The following UBR7 variants were observed in gnomAD, a reference collection of about 807,000 sequenced individuals.
UBR7 encodes the protein ubiquitin protein ligase E3 component n-recognin 7, also known as putative E3 ubiquitin-protein ligase UBR7.
UBR7 carries 22 observed loss-of-function variants against 57.0 expected under a neutral mutation model. The ratio of observed to expected loss-of-function variants is 0.39; its 90% CI spans 0.28 to 0.55. The LOEUF (loss-of-function observed/expected upper bound fraction) is 0.55. Among genes scored for constraint, UBR7 ranks in the 20% least tolerant of loss-of-function variants. The probability of loss-of-function intolerance (pLI) is 0.69; values close to 1 mark genes in which losing one functional copy is unlikely to be tolerated. For missense variants in UBR7, 395 were observed against 513.2 expected (o/e 0.77, Z 2.23); for synonymous variants, 167 against 179.8 (o/e 0.93, Z 0.57).
intron 1 of UBR7, among the ~76,000 whole-genome samples, chr14:93,209,458 C>T (rs1894434555): frequency 6.6e-6 from 1 of 152,166 alleles, no homozygotes; most frequent in African/African-American, 2.4e-5. Flanking sequence ...GAAAGAAGTG[C>T]TGGCTTGTGT....
intron 6 of UBR7, among the ~76,000 whole-genome samples, chr14:93,217,655 A>C (rs1355469739): frequency 4.6e-5 from 7 of 152,230 alleles, no homozygotes; most frequent in African/African-American, 1.4e-4. Context: ...AGTGATTGAT[A>C]TTTTCAAATA....
intron 10 of UBR7, chr14:93,224,127 C>G: frequency 1.3e-6 from 1 of 745,584 alleles, no homozygotes; most frequent in South Asian, 1.5e-5. Flanking sequence ...CATAGTGTGC[C>G]CGAGGCCTTC....
intron 9 of UBR7, among the ~76,000 whole-genome samples, chr14:93,221,966 T>G (rs1894717966): frequency 6.6e-6 from 1 of 152,022 alleles, no homozygotes; most frequent in South Asian, 2.1e-4. Flanking sequence ...ATAAAATAAA[T>G]TAAATTAAAT....
At position 93,228,794 on chromosome 14, in the gene UBR7, C is replaced by G. The variant is rs991019499; in HGVS notation, c.*1759C>G. On this transcript the variant is annotated 3_prime_UTR_variant, in exon 11 of 11. Coordinates refer to ENST00000013070, the MANE Select transcript of UBR7 (RefSeq NM_175748.4). ...ATGTCCGGAAAACTTTTAATCTTCTCAAATATCTGATGTAACTACCAGAAA... is the reference window on the plus strand; with the variant it reads ...ATGTCCGGAAAACTTTTAATCTTCTGAAATATCTGATGTAACTACCAGAAA... The G allele has an allele frequency of 2.2e-6, 1 of 454,002 alleles. No individual in the cohort carries two copies. Among genetic ancestry groups the G allele is most frequent in the African/African-American group, 2.0e-5 (1 of 50,004 alleles). The allele number at this position is 454,002 out of a possible 1,614,324, so 28.1% of individuals were successfully genotyped here.
At chr14:93,225,309 C>G (rs1894825169) in intron 10 of UBR7, among the ~76,000 whole-genome samples, 1 of 149,684 alleles carries the variant, frequency 6.7e-6, no homozygotes, top group South Asian at 2.1e-4. Flanking sequence ...TTGTATCTAA[C>G]AAAACAAAAA....
In UBR7 at chr14:93,228,472, C is replaced by T. The variant is rs1050361019; in HGVS notation, c.*1437C>T. On this transcript the variant is annotated 3_prime_UTR_variant, in exon 11 of 11. Transcript: ENST00000013070. ...AGCATCTGTGTATTCATTCGAGTGC[C>T]CAATCCCTGGATGAGATGAACTAGG... The T allele has an allele frequency of 2.2e-6, 1 of 454,062 alleles. No individual in the cohort carries two copies. Among genetic ancestry groups the T allele is most frequent in the Non-Finnish European group, 4.4e-6 (1 of 226,790 alleles). The allele number at this position is 454,062 out of a possible 1,614,324, so 28.1% of individuals were successfully genotyped here.
Position 93,227,289 on chromosome 14 carries a change from G to T in UBR7, c.*254G>T. ...GTACTCCTACTCCAGTGCACCCAGG[G>T]TTATTTGCATAGTTTTTAAGTTTGA... On this transcript the variant is annotated 3_prime_UTR_variant, in exon 11 of 11. Coordinates refer to ENST00000013070, the MANE Select transcript of UBR7 (RefSeq NM_175748.4). The T allele has an allele frequency of 1.6e-6, 1 of 607,294 alleles. No homozygotes were observed. Among genetic ancestry groups the T allele is most frequent in the Non-Finnish European group, 3.1e-6 (1 of 327,046 alleles). The allele number at this position is 607,294 out of a possible 1,614,324, so 37.6% of individuals were successfully genotyped here. A position where few individuals can be genotyped will look rare whatever the true frequency, so the allele number is the denominator to read the frequency against.
In UBR7 at chr14:93,210,363, G is replaced by A. The variant is rs539788206; in HGVS notation, c.285-285G>A. On this transcript the variant is annotated intron_variant, in intron 2 of 10. Coordinates refer to ENST00000013070, the MANE Select transcript of UBR7 (RefSeq NM_175748.4). Reference sequence around the variant, plus strand: ...CTCCCAAAGTGCTGGGATTACAGGCGTGAGCCACCTCGCCCAGCACTAATG... The same window carrying A: ...CTCCCAAAGTGCTGGGATTACAGGCATGAGCCACCTCGCCCAGCACTAATG... Among the ~76,000 whole-genome samples, 856 of 152,238 alleles carry A rather than the reference G, an allele frequency of 5.6e-3. 2 individuals carry two copies. Among genetic ancestry groups the A allele is most frequent in the Non-Finnish European group, 9.6e-3 (652 of 68,018 alleles).
At position 93,218,713 on chromosome 14, in the gene UBR7, C is replaced by G; in HGVS notation, c.788C>G (p.Ser263Cys). Residue 263 changes from serine (S) to cysteine (C), a missense_variant, in exon 7 of 11, where the codon TCT becomes TGT. By Grantham distance (112) the Ser-to-Cys change is moderately radical. Coordinates refer to ENST00000013070, the MANE Select transcript of UBR7 (RefSeq NM_175748.4). Reference sequence around the variant, plus strand: ...CAGAACAGTGAACCATGTGCCGGCTCTAGTTCTGAATCTGATCTCCAGGTA... The same window carrying G: ...CAGAACAGTGAACCATGTGCCGGCTGTAGTTCTGAATCTGATCTCCAGGTA... ...VEQNSEPCAG[S>C]SSESDLQTVF... The G allele has an allele frequency of 3.1e-6, 5 of 1,613,820 alleles. No homozygotes were observed. Among genetic ancestry groups the G allele is most frequent in the South Asian group, 2.2e-5 (2 of 91,084 alleles).
chr14:93,210,610 A>T (rs1408875925), intron 2 of UBR7, 38 bp from the exon 3 acceptor site: 5 of 1,541,308 alleles, frequency 3.2e-6, no homozygotes, highest in Non-Finnish European at 4.4e-6. Context: ...GGATTTTGTA[A>T]AAAGAAAAAT....
rs1894444496 is a variant in UBR7 at position 93,209,933 on chromosome 14, A to G, written c.260A>G (p.Lys87Arg). The G allele has an allele frequency of 8.1e-6, 13 of 1,614,078 alleles. No homozygotes were observed. Among genetic ancestry groups the G allele is most frequent in the South Asian group, 1.1e-5 (1 of 91,082 alleles). ...AGTTATGAATGTCATGGAAGTCACA[A>G]ACTATTTGAGCTATACACAAAAAGG... ...ACSYECHGSHKLFELYTKRNF... is the reference protein window; with the variant it reads ...ACSYECHGSHRLFELYTKRNF... The change falls in exon 2 of 11, where the codon AAA (lysine) becomes AGA (arginine). Residue 87 changes from lysine (K) to arginine (R), a missense_variant. Physicochemically the swap from Lys to Arg is conservative, Grantham distance 26. Coordinates refer to ENST00000013070, the MANE Select transcript of UBR7 (RefSeq NM_175748.4).
At position 93,218,684 on chromosome 14, in the gene UBR7, A is replaced by G. The variant is rs1234759849; in HGVS notation, c.759A>G (p.Val253=). The G allele has an allele frequency of 6.2e-7, 1 of 1,614,070 alleles. No individual in the cohort carries two copies. Among genetic ancestry groups the G allele is most frequent in the Admixed American group, 1.7e-5 (1 of 59,996 alleles). ...AGGATGATGTCCGGGAGGTTAAAGT[A>G]GAGCAGAACAGTGAACCATGTGCCG... ...QGKDDVREVK[V]EQNSEPCAGS... Residue 253 remains valine (V), a synonymous_variant, in exon 7 of 11, where the codon GTA becomes GTG. Coordinates refer to ENST00000013070, the MANE Select transcript of UBR7 (RefSeq NM_175748.4).
intron 9 of UBR7, 39 bp from the exon 10 acceptor site, chr14:93,222,274 G>T (rs1216153475): frequency 6.9e-7 from 1 of 1,445,846 alleles, no homozygotes. Context: ...AAAGCAAATG[G>T]TTTATCTAAA....
At chr14:93,213,194 A>G (rs1310791194) in intron 4 of UBR7, among the ~76,000 whole-genome samples, 1 of 152,164 alleles carries the variant, frequency 6.6e-6, no homozygotes, top group African/African-American at 2.4e-5. Flanking sequence ...TCTGCCAAAA[A>G]AGTTGTACCA....
chr14:93,223,710 G>T (rs1309537627), intron 10 of UBR7: 1 of 929,000 alleles, frequency 1.1e-6, no homozygotes, highest in Non-Finnish European at 1.7e-6. Flanking sequence ...CTTGATGGCC[G>T]GCCGGCTGGC....
At chr14:93,212,166 T>G (rs1315343319) in intron 4 of UBR7, 39 bp downstream of exon 4, 2 of 1,493,264 alleles carry the variant, frequency 1.3e-6, no homozygotes, top group Non-Finnish European at 1.8e-6. Flanking sequence ...GTGTGTCCCC[T>G]CTAGCCTTGA....
At chr14:93,226,565 C>T (rs1388846449) in intron 10 of UBR7, among the ~76,000 whole-genome samples, 3 of 152,092 alleles carry the variant, frequency 2.0e-5, no homozygotes, top group Admixed American at 6.5e-5. Context: ...CCGAGGCAGG[C>T]GGATCATGAG....
chr14:93,221,707 C>T (rs574142323), intron 9 of UBR7, among the ~76,000 whole-genome samples: 115 of 152,046 alleles, frequency 7.6e-4, no homozygotes, highest in African/African-American at 2.7e-3. Context: ...TTGGGCTGGG[C>T]GCCATGGCTC....
chr14:93,210,747 C>T lies in UBR7; in HGVS notation c.345+39C>T, dbSNP rs773725233. The T allele has an allele frequency of 6.2e-5, 96 of 1,547,698 alleles. No individual in the cohort carries two copies. The South Asian group carries it at 1.0e-3, about 16-fold the overall frequency. On this transcript the variant is annotated intron_variant, in intron 3 of 10. Coordinates refer to ENST00000013070, the MANE Select transcript of UBR7 (RefSeq NM_175748.4). Reference sequence around the variant, plus strand: ...GTAACTATAAATGCATTTAGAGCAGCTGAGGTTAATATTTGCCAGAGTGGG... The same window carrying T: ...GTAACTATAAATGCATTTAGAGCAGTTGAGGTTAATATTTGCCAGAGTGGG...
Sources: allele counts gnomAD v4.1 joint callset (sites outside exome capture counted in the v4.1 genomes callset), GRCh38; gene constraint gnomAD v4.1.1; transcripts MANE v1.5; gene names NCBI Gene and HGNC (gene_info 2026-07-23, HGNC 2026-07-21).